The following ACER3 variants were observed in gnomAD, a reference collection of about 807,000 sequenced individuals.
ACER3 encodes alkCDase 3.
In ACER3, 16 loss-of-function variants were observed where a neutral mutation model predicts 48.9. The observed-to-expected ratio is 0.33, with a 90% confidence interval of 0.22 to 0.50. ACER3 has a LOEUF of 0.50. Ranked by LOEUF, ACER3 falls within the 20% of genes least tolerant of loss-of-function variation. The pLI, the probability that ACER3 is intolerant of heterozygous loss-of-function variation, is 0.98. For synonymous variants in ACER3, 109 were observed against 107.8 expected (o/e 1.01, Z -0.07); for missense variants, 227 against 326.0 (o/e 0.70, Z 2.34).
intron 1 of ACER3, among the ~76,000 whole-genome samples, chr11:76,912,239 C>A (rs2134727656): frequency 6.6e-6 from 1 of 152,154 alleles, no homozygotes; most frequent in Middle Eastern, 3.4e-3. Context: ...GTGAGGAATG[C>A]CAAAGATTGC....
intron 3 of ACER3, 68 bp from the exon 4 acceptor site, chr11:76,976,221 A>C: frequency 8.3e-7 from 1 of 1,197,666 alleles, no homozygotes. Context: ...TTGATGTTTT[A>C]TTTTGATTTG....
chr11:76,967,774 T>C (rs532107109), intron 3 of ACER3, among the ~76,000 whole-genome samples: 1 of 152,272 alleles, frequency 6.6e-6, no homozygotes, highest in Non-Finnish European at 1.5e-5. Flanking sequence ...ATAAATTAGG[T>C]ATTGATGGGA....
At chr11:76,934,373 G>T (rs1047559887) in intron 2 of ACER3, among the ~76,000 whole-genome samples, 1 of 152,180 alleles carries the variant, frequency 6.6e-6, no homozygotes, top group Non-Finnish European at 1.5e-5. Context: ...CCGAGATCAC[G>T]CCACTGCACT....
chr11:77,005,302 G>T (rs1434169698), intron 7 of ACER3, among the ~76,000 whole-genome samples: 2 of 152,042 alleles, frequency 1.3e-5, no homozygotes, highest in Non-Finnish European at 2.9e-5. Flanking sequence ...TGTCTATAGT[G>T]CTTATGTTTC....
intron 6 of ACER3, among the ~76,000 whole-genome samples, chr11:76,994,635 T>C (rs1015009295): frequency 2.0e-5 from 3 of 152,160 alleles, no homozygotes; most frequent in African/African-American, 7.2e-5. Context: ...ACCACATGAA[T>C]TTTTAGGATG....
In ACER3 at chr11:76,860,946, G is replaced by C; in HGVS notation, c.-31G>C. On this transcript the variant is annotated 5_prime_UTR_variant, in exon 1 of 11. Coordinates refer to ENST00000532485, the MANE Select transcript of ACER3 (RefSeq NM_018367.7). ...GCCAGCCTAACCCGGCACAGTGAGC[G>C]GAGCGCCTGGGCGGCGGCGGCGGCG... 2 of 1,490,618 alleles carry C rather than the reference G, an allele frequency of 1.3e-6. No individual in the cohort carries two copies. Among genetic ancestry groups the C allele is most frequent in the Non-Finnish European group, 1.8e-6 (2 of 1,109,634 alleles). The allele number at this position is 1,490,618 out of a possible 1,614,324, so 92.3% of individuals were successfully genotyped here.
intron 1 of ACER3, among the ~76,000 whole-genome samples, chr11:76,925,537 T>G (rs1289942759): frequency 6.6e-6 from 1 of 152,184 alleles, no homozygotes; most frequent in African/African-American, 2.4e-5. Flanking sequence ...CTTGGAAACT[T>G]CTTTCCTGCA....
intron 7 of ACER3, among the ~76,000 whole-genome samples, chr11:77,013,670 A>T (rs1409241091): frequency 6.6e-6 from 1 of 152,210 alleles, no homozygotes; most frequent in African/African-American, 2.4e-5. Context: ...ACAGTGTAGC[A>T]GTATCTTGAA....
chr11:76,875,548 G>A (rs1388638581), intron 1 of ACER3, among the ~76,000 whole-genome samples: 3 of 151,750 alleles, frequency 2.0e-5, no homozygotes, highest in Non-Finnish European at 2.9e-5. Flanking sequence ...ATCACATACC[G>A]ATTCATTTTT....
At chr11:76,939,271 C>T (rs1214137836) in intron 2 of ACER3, among the ~76,000 whole-genome samples, 1 of 152,206 alleles carries the variant, frequency 6.6e-6, no homozygotes, top group Non-Finnish European at 1.5e-5. Context: ...ATTACAACTT[C>T]ACAGTATCTC....
intron 8 of ACER3, among the ~76,000 whole-genome samples, chr11:77,016,363 G>T (rs1949369726): frequency 1.3e-5 from 2 of 152,026 alleles, no homozygotes; most frequent in Middle Eastern, 6.8e-3. Flanking sequence ...TTTTAGGGAG[G>T]TTTTCATATT....
chr11:76,925,997 T>A (rs1946820792), intron 1 of ACER3, among the ~76,000 whole-genome samples: 1 of 152,350 alleles, frequency 6.6e-6, no homozygotes, highest in African/African-American at 2.4e-5. Flanking sequence ...ACTTTGTTTT[T>A]GTGAAGACAG....
intron 2 of ACER3, chr11:76,957,345 T>C (rs1464328159): frequency 2.4e-5 from 7 of 296,140 alleles, no homozygotes; most frequent in Non-Finnish European, 4.8e-5. Flanking sequence ...AGTTGAAGCA[T>C]AGAATTTTTT....
chr11:76,872,584 A>G (rs1945268960), intron 1 of ACER3, among the ~76,000 whole-genome samples: 2 of 152,260 alleles, frequency 1.3e-5, no homozygotes, highest in South Asian at 2.1e-4. Flanking sequence ...AGCCTAGATC[A>G]GAATCCATGT....
At chr11:76,916,382 G>C (rs1252787406) in intron 1 of ACER3, among the ~76,000 whole-genome samples, 1 of 152,170 alleles carries the variant, frequency 6.6e-6, no homozygotes, top group Non-Finnish European at 1.5e-5. Flanking sequence ...GATGATCAGT[G>C]GGTATTTGCT....
At chr11:76,912,079 G>A (rs1051873799) in intron 1 of ACER3, among the ~76,000 whole-genome samples, 2 of 152,198 alleles carry the variant, frequency 1.3e-5, no homozygotes, top group African/African-American at 4.8e-5. Context: ...AGGAACCTCA[G>A]AATGTGACCT....
chr11:76,924,215 T>C lies in ACER3; in HGVS notation c.104-2342T>C, dbSNP rs538829384. 1.2e-4 allele frequency among the ~76,000 whole-genome samples: 18 copies of C among 152,208 alleles called. No homozygotes were observed. In the South Asian group the frequency reaches 3.5e-3, roughly 30 times the overall value. On this transcript the variant is annotated intron_variant, in intron 1 of 10. Transcript: ENST00000532485. ...TGATGTCTATTGTCTTGAAAATAGT[T>C]GTTTCATATATTTTGTCTCCTCTCC...
intron 1 of ACER3, among the ~76,000 whole-genome samples, chr11:76,887,550 T>C (rs1190368451): frequency 6.6e-6 from 1 of 152,090 alleles, no homozygotes; most frequent in Non-Finnish European, 1.5e-5. Context: ...GAAAAGACAT[T>C]GTTATAAAAT....
chr11:76,943,689 A>G lies in ACER3; in HGVS notation c.215-15290A>G, dbSNP rs181238892. ...AAAAGTCCATTTGGTCTAAAGTCCA[A>G]TGTTTCTTTGCTAATTTTATCTTGA... On this transcript the variant is annotated intron_variant, in intron 2 of 10. Transcript: ENST00000532485. 1.1e-4 allele frequency among the ~76,000 whole-genome samples: 16 copies of G among 151,680 alleles called. No individual in the cohort carries two copies. The East Asian group carries it at 2.7e-3, about 26-fold the overall frequency.
Sources: gnomAD v4.1 joint callset for allele counts (sites outside exome capture counted in the v4.1 genomes callset) on GRCh38, gnomAD v4.1.1 for gene constraint, MANE v1.5 for transcripts, NCBI Gene and HGNC (gene_info 2026-07-23, HGNC 2026-07-21) for gene names.